Variants in FSIP1 observed in about 807,000 individuals in gnomAD.
The protein encoded by FSIP1 is fibrous sheath interacting protein 1.
Under a neutral mutation model 60.9 loss-of-function variants are expected in FSIP1, and 65 were observed. The observed-to-expected ratio is 1.07, with a 90% CI of 0.87 to 1.31. FSIP1 has a LOEUF of 1.31. Among genes scored for constraint, FSIP1 ranks in the 40% most tolerant of loss-of-function variants. FSIP1 has a pLI of 0.00. For missense variants in FSIP1, 675 were observed against 665.5 expected (o/e 1.01, Z -0.16); for synonymous variants, 209 against 221.2 (o/e 0.94, Z 0.49).
intron 10 of FSIP1, among the ~76,000 whole-genome samples, chr15:39,692,892 G>A (rs1363484059): frequency 3.9e-5 from 6 of 152,342 alleles, no homozygotes; most frequent in Admixed American, 6.5e-5. Flanking sequence ...TCTCCATGGC[G>A]TCAGCCCACG....
chr15:39,668,451 A>G (rs997153481), intron 10 of FSIP1, among the ~76,000 whole-genome samples: 1 of 152,162 alleles, frequency 6.6e-6, no homozygotes. Context: ...AGGGAGAAAA[A>G]TTCTCTCTGT....
intron 10 of FSIP1, among the ~76,000 whole-genome samples, chr15:39,698,411 T>C (rs979344132): frequency 6.6e-6 from 1 of 152,160 alleles, no homozygotes; most frequent in Non-Finnish European, 1.5e-5. Context: ...CTGCCATTTC[T>C]GTAACTCTGC....
chr15:39,656,275 GC>G (rs1419153678), intron 10 of FSIP1, among the ~76,000 whole-genome samples: 1 of 152,108 alleles, frequency 6.6e-6, no homozygotes, highest in African/African-American at 2.4e-5. Flanking sequence ...TATTGCATGG[GC>G]CATTTGTAAA....
intron 10 of FSIP1, among the ~76,000 whole-genome samples, chr15:39,626,568 G>A (rs1423120422): frequency 1.3e-5 from 2 of 152,168 alleles, no homozygotes; most frequent in African/African-American, 2.4e-5. Context: ...TCTAGTGGGA[G>A]GTGATTGGAA....
At chr15:39,638,828 G>GCGTGTGTGTGTGCA in intron 10 of FSIP1, among the ~76,000 whole-genome samples, 1 of 151,816 alleles carries the variant, frequency 6.6e-6, no homozygotes, top group Non-Finnish European at 1.5e-5. Flanking sequence ...GTGTGTGTGC[G>GCGTGTGTGTGTGCA]CGTGTGTGTG....
At chr15:39,661,758 C>T (rs890529672) in intron 10 of FSIP1, among the ~76,000 whole-genome samples, 1 of 152,182 alleles carries the variant, frequency 6.6e-6, no homozygotes, top group Admixed American at 6.5e-5. Context: ...ATACAGCTTC[C>T]TAACCACACA....
intron 10 of FSIP1, among the ~76,000 whole-genome samples, chr15:39,619,151 T>C (rs10520138): frequency 0.4 from 60,355 of 152,042 alleles, 14,091 homozygotes; most frequent in African/African-American, 0.66. Flanking sequence ...TGAAGGTACA[T>C]AGTAAAAAAT....
intron 2 of FSIP1, among the ~76,000 whole-genome samples, chr15:39,772,060 T>A (rs150686999): frequency 5.9e-5 from 9 of 152,296 alleles, no homozygotes; most frequent in African/African-American, 2.2e-4. Context: ...CATCATCTCA[T>A]ATGATCCTAA....
intron 6 of FSIP1, among the ~76,000 whole-genome samples, chr15:39,741,531 T>C (rs1291854099): frequency 6.6e-6 from 1 of 152,254 alleles, no homozygotes; most frequent in Non-Finnish European, 1.5e-5. Context: ...TTCACAGACT[T>C]GTTTTTGCTT....
chr15:39,603,715 G>A lies in FSIP1; in HGVS notation c.1700-2789C>T, dbSNP rs148121461. Among the ~76,000 whole-genome samples, 216 of 152,232 alleles carry A rather than the reference G, an allele frequency of 1.4e-3. 1 individual carries two copies. Among genetic ancestry groups the A allele is most frequent in the African/African-American group, 4.9e-3 (204 of 41,524 alleles). On this transcript the variant is annotated intron_variant, in intron 11 of 11. Transcript: ENST00000350221. ...ACAATGTGGATGCAGCAGTATCTTC[G>A]TTAAAAAGAAATTTAAGAAGAAAAA...
At chr15:39,619,661 A>G (rs780785908) in intron 10 of FSIP1, among the ~76,000 whole-genome samples, 1 of 152,212 alleles carries the variant, frequency 6.6e-6, no homozygotes, top group Non-Finnish European at 1.5e-5. Flanking sequence ...CCACCCTACT[A>G]TGGAAACCTA....
intron 10 of FSIP1, among the ~76,000 whole-genome samples, chr15:39,679,480 T>C (rs887618995): frequency 3.3e-5 from 5 of 152,162 alleles, no homozygotes; most frequent in African/African-American, 1.2e-4. Flanking sequence ...CTCGCGCCTG[T>C]CATCCCAGCA....
chr15:39,608,845 C>T (rs947987444), intron 11 of FSIP1, among the ~76,000 whole-genome samples: 1 of 152,188 alleles, frequency 6.6e-6, no homozygotes, highest in Non-Finnish European at 1.5e-5. Context: ...AAAGCTGAGA[C>T]ACCCCCTTGG....
chr15:39,631,293 C>T (rs984703442), intron 10 of FSIP1, among the ~76,000 whole-genome samples: 2 of 152,212 alleles, frequency 1.3e-5, no homozygotes, highest in African/African-American at 4.8e-5. Context: ...TCCCCGATGT[C>T]TTGTTCCTTC....
chr15:39,678,201 T>G (rs1387984184), intron 10 of FSIP1, among the ~76,000 whole-genome samples: 1 of 152,076 alleles, frequency 6.6e-6, no homozygotes, highest in Non-Finnish European at 1.5e-5. Flanking sequence ...TAAATAGAAC[T>G]TAGCTGATAT....
intron 10 of FSIP1, among the ~76,000 whole-genome samples, chr15:39,698,086 T>TG (rs1894894303): frequency 6.6e-6 from 1 of 151,542 alleles, no homozygotes; most frequent in Non-Finnish European, 1.5e-5. Flanking sequence ...ACTAGCCACA[T>TG]GGGGCAATGG....
intron 10 of FSIP1, among the ~76,000 whole-genome samples, chr15:39,675,334 A>G (rs1893895094): frequency 6.6e-6 from 1 of 152,166 alleles, no homozygotes; most frequent in Non-Finnish European, 1.5e-5. Context: ...TCCTCTGTGA[A>G]ATGCCATTCC....
chr15:39,636,988 G>T (rs1325567597), intron 10 of FSIP1, among the ~76,000 whole-genome samples: 1 of 152,062 alleles, frequency 6.6e-6, no homozygotes, highest in Non-Finnish European at 1.5e-5. Context: ...TCATTCCTAT[G>T]CAATTGTTGC....
rs547239092 is a variant in FSIP1, at chr15:39,752,519, A to C, written c.560-10619T>G. ...TGTAATGTAATGAAAATGACCCTGT[A>C]ACTCCATGGTTTTCCTCCCAAAAAC... On this transcript the variant is annotated intron_variant, in intron 5 of 11. Transcript: ENST00000350221. Among the ~76,000 whole-genome samples, 11 of 152,196 alleles carry C rather than the reference A, an allele frequency of 7.2e-5. No homozygotes were observed. The South Asian group carries it at 2.3e-3, about 32-fold the overall frequency.
Sources: gnomAD v4.1 joint callset for allele counts (sites outside exome capture counted in the v4.1 genomes callset) on GRCh38, gnomAD v4.1.1 for gene constraint, MANE v1.5 for transcripts, NCBI Gene and HGNC (gene_info 2026-07-23, HGNC 2026-07-21) for gene names.